PPP1R1B: variants seen among roughly 807,000 people sequenced by gnomAD.
The protein encoded by PPP1R1B is protein phosphatase 1 regulatory inhibitor subunit 1B.
Under a neutral mutation model 28.2 loss-of-function variants are expected in PPP1R1B, and 13 were observed. That is an observed-to-expected ratio of 0.46 (90% confidence interval 0.30 to 0.73). PPP1R1B has a LOEUF of 0.73. PPP1R1B is among the 30% of genes least tolerant of loss of function. The pLI, the probability that PPP1R1B is intolerant of heterozygous loss-of-function variation, is 0.07. For missense variants in PPP1R1B, 236 were observed against 256.7 expected, an observed-to-expected ratio of 0.92 and a Z score of 0.55; for synonymous variants, 102 against 97.5, an observed-to-expected ratio of 1.05 and a Z score of -0.27.
In PPP1R1B at chr17:39,629,540, A is replaced by T; in HGVS notation, c.143A>T (p.Glu48Val). ...GGTTGGCTTTGGTGGCCTTCCTCAGAGGAGGAAGCCTCCCCCCACCAGGTG... is the reference window on the plus strand; with the variant it reads ...GGTTGGCTTTGGTGGCCTTCCTCAGTGGAGGAAGCCTCCCCCCACCAGGTG... ...LFRLSEHSSP[E>V]EEASPHQRAS... The change falls in exon 3 of 7, where the codon GAG (glutamate) becomes GTG (valine). Residue 48 changes from glutamate (E) to valine (V), a missense_variant and splice_region_variant. Glu to Val is a moderately radical substitution (Grantham distance 121). Coordinates refer to ENST00000254079, the MANE Select transcript of PPP1R1B (RefSeq NM_032192.4). 6.2e-7 allele frequency: 1 copy of T among 1,613,572 alleles called. No homozygotes were observed. Among genetic ancestry groups the T allele is most frequent in the Non-Finnish European group, 8.5e-7 (1 of 1,179,908 alleles).
At chr17:39,629,496 C>T in intron 2 of PPP1R1B, 44 bp from the exon 3 acceptor site, 1 of 1,612,734 alleles carries the variant, frequency 6.2e-7, no homozygotes, top group Non-Finnish European at 8.5e-7. Context: ...CTCTTTTCCT[C>T]CTCGCTTGGT....
rs1301352549 is a variant in PPP1R1B at position 39,636,128 on chromosome 17, C to A, written c.*263C>A. On this transcript the variant is annotated 3_prime_UTR_variant, in exon 7 of 7. Transcript: ENST00000254079. ...CAGCGGGAGGTGGGATGTGAGACAG[C>A]CCACATTGGAAAATCCAGAAAACCG... 4 of 523,136 alleles carry A rather than the reference C, an allele frequency of 7.6e-6. No individual in the cohort carries two copies. Among genetic ancestry groups the A allele is most frequent in the Non-Finnish European group, 1.4e-5 (4 of 290,098 alleles). 32.4% of individuals were successfully genotyped at this position (523,136 alleles called of 1,614,324 possible).
At chr17:39,629,811 C>T (rs1399263161) in intron 3 of PPP1R1B, 161 bp from the exon 4 acceptor site, 3 of 889,286 alleles carry the variant, frequency 3.4e-6, no homozygotes, top group Non-Finnish European at 5.3e-6. Context: ...TATGGGGGGC[C>T]CCCCCTAAAG....
Position 39,634,098 on chromosome 17 carries a change from G to T in PPP1R1B, c.445+12G>T. The T allele has an allele frequency of 6.2e-7, 1 of 1,613,368 alleles. No homozygotes were observed. Among genetic ancestry groups the T allele is most frequent in the Non-Finnish European group, 8.5e-7 (1 of 1,179,852 alleles). ...CATCAGGCAGTCTGGTAAGCTGAGG[G>T]GCCTGTGACATGTGGATTAGCTGTG... On this transcript the variant is annotated intron_variant, in intron 5 of 6. Coordinates refer to ENST00000254079, the MANE Select transcript of PPP1R1B (RefSeq NM_032192.4).
chr17:39,628,438 G>C (rs1162857721), intron 1 of PPP1R1B: 76 of 886,066 alleles, frequency 8.6e-5, no homozygotes, highest in Non-Finnish European at 1.0e-4. Context: ...CCAAGCTGAG[G>C]GGCGGGGCGG....
Position 39,636,193 on chromosome 17 carries a change from C to A in PPP1R1B, c.*328C>A. 1 of 359,450 alleles carries A rather than the reference C, an allele frequency of 2.8e-6. No homozygotes were observed. The highest frequency in any genetic ancestry group is 5.3e-6 in the Non-Finnish European group (1 of 189,196). The allele number at this position is 359,450 out of a possible 1,614,324, so 22.3% of individuals were successfully genotyped here. A position where few individuals can be genotyped will look rare whatever the true frequency, so the allele number is the denominator to read the frequency against. Reference sequence around the variant, plus strand: ...CCCTTCACAATTCTACTCCCCAGATCCTCTCCCCTGGACACAGGAGACCCA... The same window carrying A: ...CCCTTCACAATTCTACTCCCCAGATACTCTCCCCTGGACACAGGAGACCCA... On this transcript the variant is annotated 3_prime_UTR_variant, in exon 7 of 7. Coordinates refer to ENST00000254079, the MANE Select transcript of PPP1R1B (RefSeq NM_032192.4).
intron 4 of PPP1R1B, chr17:39,633,637 T>G: frequency 2.1e-6 from 1 of 483,984 alleles, no homozygotes; most frequent in Admixed American, 3.4e-5. Context: ...GGGAGCTGCC[T>G]GGGGGCTAGC....
intron 5 of PPP1R1B, among the ~76,000 whole-genome samples, chr17:39,634,494 C>A (rs548602799): frequency 1.8e-4 from 28 of 152,330 alleles, no homozygotes; most frequent in African/African-American, 6.5e-4. Flanking sequence ...GTGGTCTCTG[C>A]TGGGGTGCAG....
At position 39,635,705 on chromosome 17, in the gene PPP1R1B, G is replaced by C; in HGVS notation, c.544G>C (p.Val182Leu). The change falls in exon 6 of 7, where the codon GTG (valine) becomes CTG (leucine). Residue 182 changes from valine to leucine, a missense_variant. Transcript: ENST00000254079. ...SERDGGSEDQ[V>L]EDPALSEPGE... ...GAGAGATGGAGGCTCTGAGGACCAAGTGGAAGACCCAGCACTAAGTGGTAA... is the reference window on the plus strand; with the variant it reads ...GAGAGATGGAGGCTCTGAGGACCAACTGGAAGACCCAGCACTAAGTGGTAA... 1 of 1,614,162 alleles carries C rather than the reference G, an allele frequency of 6.2e-7. No homozygotes were observed. The highest frequency in any genetic ancestry group is 8.5e-7 in the Non-Finnish European group (1 of 1,180,018).
chr17:39,629,672 C>A, intron 3 of PPP1R1B, 110 bp downstream of exon 3: 1 of 1,126,504 alleles, frequency 8.9e-7, no homozygotes, highest in Non-Finnish European at 1.3e-6. Context: ...CAAGAGGACA[C>A]ATTAGCATAT....
chr17:39,632,371 T>C (rs2056885071), intron 4 of PPP1R1B: 1 of 152,754 alleles, frequency 6.5e-6, no homozygotes, highest in Admixed American at 6.5e-5. Context: ...AAGTGAACTC[T>C]CCTCCCCCGC....
chr17:39,628,653 T>A, intron 1 of PPP1R1B: 3 of 986,256 alleles, frequency 3.0e-6, no homozygotes, highest in Non-Finnish European at 3.6e-6. Flanking sequence ...GCTGGCTCAG[T>A]CTCCTTCTGA....
In PPP1R1B at chr17:39,633,892, G is replaced by T. The variant is rs139360619; in HGVS notation, c.251G>T (p.Arg84Leu). 3 of 1,613,514 alleles carry T rather than the reference G, an allele frequency of 1.9e-6. No individual in the cohort carries two copies. The highest frequency in any genetic ancestry group is 2.7e-5 in the African/African-American group (2 of 74,936). The change falls in exon 5 of 7, where the codon CGC becomes CTC. Residue 84 changes from arginine to leucine, a missense_variant. Transcript: ENST00000254079. The part of the protein sequence containing the change: ...YTPPSLKAVQ[R>L]IAESHLQSIS... Reference sequence around the variant, plus strand: ...GTCTCCTCTGTGCCAGCTGTGCAGCGCATTGCTGAGTCTCACCTGCAGTCT... The same window carrying T: ...GTCTCCTCTGTGCCAGCTGTGCAGCTCATTGCTGAGTCTCACCTGCAGTCT...
chr17:39,633,545 A>G (rs893108060), intron 4 of PPP1R1B: 1 of 269,490 alleles, frequency 3.7e-6, no homozygotes, highest in Non-Finnish European at 7.3e-6. Context: ...GGGTACTTGG[A>G]AAATCAAGCT....
At chr17:39,631,069 C>CA (rs2056873836) in intron 4 of PPP1R1B, among the ~76,000 whole-genome samples, 1 of 147,420 alleles carries the variant, frequency 6.8e-6, no homozygotes. Context: ...AACTCTGTCT[C>CA]AAGAAAAAAA....
chr17:39,635,863 T>A lies in PPP1R1B; in HGVS notation c.613T>A (p.Ter205LysextTer42). ...CCCTTCCCCCTCTGAGCCTGGCACA[T>A]AGGCACCCAGCCTGCATCTCCCAGG... ...QRPSPSEPGT[*>K] The change falls in exon 7 of 7, where the codon TAG (stop) becomes AAG (lysine). Residue 205 changes from the stop codon to lysine, a stop_lost. Transcript: ENST00000254079. The A allele has an allele frequency of 6.2e-7, 1 of 1,612,726 alleles. No individual in the cohort carries two copies. Among genetic ancestry groups the A allele is most frequent in the Non-Finnish European group, 8.5e-7 (1 of 1,179,926 alleles).
intron 4 of PPP1R1B, among the ~76,000 whole-genome samples, chr17:39,631,351 GGAA>G (rs2046669320): frequency 6.6e-6 from 1 of 152,240 alleles, no homozygotes; most frequent in Admixed American, 6.5e-5. Context: ...CCAAGAAGAG[GGAA>G]GAAGGTGTGC....
Position 39,635,922 on chromosome 17 carries a change from A to G in PPP1R1B, c.*57A>G. 6.3e-7 allele frequency: 1 copy of G among 1,583,730 alleles called. No homozygotes were observed. The highest frequency in any genetic ancestry group is 8.6e-7 in the Non-Finnish European group (1 of 1,160,476). ...GAGGGGACATCGCTGTTCCCCAGAA[A>G]CCCACTCTATCCTCACCCTGTTTTG... On this transcript the variant is annotated 3_prime_UTR_variant, in exon 7 of 7. Coordinates refer to ENST00000254079, the MANE Select transcript of PPP1R1B (RefSeq NM_032192.4).
intron 5 of PPP1R1B, among the ~76,000 whole-genome samples, chr17:39,634,594 G>A (rs1314021912): frequency 6.6e-6 from 1 of 152,202 alleles, no homozygotes; most frequent in Non-Finnish European, 1.5e-5. Context: ...GTGCCCTCTA[G>A]TGTTTAGATG....
Sources: allele counts gnomAD v4.1 joint callset (sites outside exome capture counted in the v4.1 genomes callset), GRCh38; gene constraint gnomAD v4.1.1; transcripts MANE v1.5; gene names NCBI Gene and HGNC (gene_info 2026-07-23, HGNC 2026-07-21).